The following GALNT1 variants were observed in gnomAD, a reference collection of about 807,000 sequenced individuals.
GALNT1 encodes the protein GalNAc transferase 1.
In GALNT1, 17 loss-of-function variants were observed where a neutral mutation model predicts 65.7. That is an observed-to-expected ratio of 0.26 (90% CI 0.18 to 0.39). GALNT1 has a LOEUF of 0.39. Ranked by LOEUF, GALNT1 falls within the 10% of genes least tolerant of loss-of-function variation. The pLI is 1.00. For synonymous variants in GALNT1, 210 were observed against 219.7 expected (o/e 0.96, Z 0.39); for missense variants, 460 against 672.8 (o/e 0.68, Z 3.50).
chr18:35,583,928 T>C (rs1365332097), intron 1 of GALNT1, among the ~76,000 whole-genome samples: 1 of 152,248 alleles, frequency 6.6e-6, no homozygotes, highest in Non-Finnish European at 1.5e-5. Flanking sequence ...TGAATCTGAA[T>C]CACACATTAG....
chr18:35,629,746 T>C (rs1047557210), intron 1 of GALNT1, among the ~76,000 whole-genome samples: 8 of 151,582 alleles, frequency 5.3e-5, no homozygotes, highest in African/African-American at 1.9e-4. Flanking sequence ...TGGGCTAAAT[T>C]AAAAGACACA....
chr18:35,704,488 TG>T (rs2048221185), intron 11 of GALNT1, among the ~76,000 whole-genome samples: 1 of 151,804 alleles, frequency 6.6e-6, no homozygotes, highest in Non-Finnish European at 1.5e-5. Flanking sequence ...TTTGTAATTT[TG>T]TGGAGACAGA....
chr18:35,692,172 T>C lies in GALNT1; in HGVS notation c.1160-9T>C. On this transcript the variant is annotated splice_polypyrimidine_tract_variant and intron_variant, in intron 8 of 11. Coordinates refer to ENST00000269195, the MANE Select transcript of GALNT1 (RefSeq NM_020474.4). The stretch of plus-strand genomic sequence containing the variant: ...CTAATAATTCAGAGTCAATTATTTC[T>C]TTCAACAGGTGTTACAAAGGTAGAT... The C allele has an allele frequency of 1.2e-6, 2 of 1,601,622 alleles. No individual in the cohort carries two copies. The highest frequency in any genetic ancestry group is 1.7e-6 in the Non-Finnish European group (2 of 1,174,016).
chr18:35,701,071 CTTTT>C (rs998960203), intron 9 of GALNT1, among the ~76,000 whole-genome samples: 2 of 146,544 alleles, frequency 1.4e-5, no homozygotes, highest in African/African-American at 5.0e-5. Context: ...ACAATATGAA[CTTTT>C]TTTTTTTTCT....
At chr18:35,690,976 A>G in intron 7 of GALNT1, 36 bp from the exon 8 acceptor site, 1 of 1,504,294 alleles carries the variant, frequency 6.6e-7, no homozygotes, top group Non-Finnish European at 8.9e-7. Context: ...CTGATTACTC[A>G]GCTACATGTT....
intron 1 of GALNT1, among the ~76,000 whole-genome samples, chr18:35,605,602 T>G (rs2046637247): frequency 6.6e-6 from 1 of 152,256 alleles, no homozygotes; most frequent in Admixed American, 6.5e-5. Flanking sequence ...TCTTCCTTTT[T>G]TTAACACTCT....
At chr18:35,694,663 G>A (rs544116271) in intron 9 of GALNT1, among the ~76,000 whole-genome samples, 8 of 152,336 alleles carry the variant, frequency 5.3e-5, no homozygotes, top group East Asian at 1.9e-4. Context: ...CAATAGCCAA[G>A]AAGTAGAAGC....
At chr18:35,602,188 A>G (rs2046590518) in intron 1 of GALNT1, among the ~76,000 whole-genome samples, 1 of 151,790 alleles carries the variant, frequency 6.6e-6, no homozygotes, top group East Asian at 1.9e-4. Flanking sequence ...ATGTTGTCAC[A>G]CTCCCTTTTG....
rs368652074 is a variant in GALNT1 at position 35,683,526 on chromosome 18, C to G, written c.617C>G (p.Thr206Ser). 6 of 1,613,758 alleles carry G rather than the reference C, an allele frequency of 3.7e-6. No individual in the cohort carries two copies. The highest frequency in any genetic ancestry group is 5.1e-6 in the Non-Finnish European group (6 of 1,179,876). Reference sequence around the variant, plus strand: ...GCTGTGTCTAAAGGCCAAGTGATCACCTTCCTGGATGCCCATTGTGAGTGT... The same window carrying G: ...GCTGTGTCTAAAGGCCAAGTGATCAGCTTCCTGGATGCCCATTGTGAGTGT... ...GAAVSKGQVI[T>S]FLDAHCECTV... Residue 206 changes from threonine (T) to serine (S), a missense_variant, in exon 5 of 12, where the codon ACC becomes AGC. Thr to Ser is a moderately conservative substitution (Grantham distance 58). Coordinates refer to ENST00000269195, the MANE Select transcript of GALNT1 (RefSeq NM_020474.4).
chr18:35,600,281 T>C (rs1428714143), intron 1 of GALNT1, among the ~76,000 whole-genome samples: 1 of 152,174 alleles, frequency 6.6e-6, no homozygotes, highest in Non-Finnish European at 1.5e-5. Flanking sequence ...TTTTTGTATT[T>C]AATAGCTATT....
intron 1 of GALNT1, among the ~76,000 whole-genome samples, chr18:35,631,347 G>A (rs2047006374): frequency 6.6e-6 from 1 of 152,016 alleles, no homozygotes; most frequent in South Asian, 2.1e-4. Flanking sequence ...ACATCAAAAA[G>A]CTTATCCACC....
chr18:35,671,539 T>C (rs867949059), intron 3 of GALNT1, among the ~76,000 whole-genome samples: 1 of 152,350 alleles, frequency 6.6e-6, no homozygotes. Context: ...TGAACTTCTT[T>C]TAGGTTGAAC....
intron 11 of GALNT1, among the ~76,000 whole-genome samples, chr18:35,708,884 G>A (rs1277679530): frequency 1.3e-5 from 2 of 152,120 alleles, no homozygotes; most frequent in Admixed American, 1.3e-4. Context: ...TATCTATGTA[G>A]TTTCCCAAAA....
chr18:35,673,935 C>CTACT (rs1328583256), intron 3 of GALNT1, among the ~76,000 whole-genome samples: 4 of 152,126 alleles, frequency 2.6e-5, no homozygotes, highest in African/African-American at 9.7e-5. Flanking sequence ...ATGGTACAGC[C>CTACT]TACTACACAC....
intron 1 of GALNT1, among the ~76,000 whole-genome samples, chr18:35,628,999 A>C (rs927709529): frequency 2.0e-5 from 3 of 152,252 alleles, no homozygotes; most frequent in African/African-American, 7.2e-5. Flanking sequence ...AAATGAAGTG[A>C]GAAGAGAAGT....
rs769448235 is a variant in GALNT1 at position 35,709,723 on chromosome 18, T to A, written c.1633T>A (p.Ser545Thr). ...PSIRDCNGSRSQQWLLRNVTL... is the reference protein window; with the variant it reads ...PSIRDCNGSRTQQWLLRNVTL... ...CATTAGAGACTGCAATGGAAGTCGG[T>A]CCCAGCAGTGGCTTCTTCGAAACGT... The change falls in exon 12 of 12, where the codon TCC (serine) becomes ACC (threonine). Residue 545 changes from serine to threonine, a missense_variant. By Grantham distance (58) the Ser-to-Thr change is moderately conservative (BLOSUM62 1). Coordinates refer to ENST00000269195, the MANE Select transcript of GALNT1 (RefSeq NM_020474.4). The A allele has an allele frequency of 1.2e-6, 2 of 1,613,940 alleles. No homozygotes were observed. The highest frequency in any genetic ancestry group is 1.7e-6 in the Non-Finnish European group (2 of 1,179,944).
At chr18:35,650,418 C>T (rs1651900562) in intron 1 of GALNT1, among the ~76,000 whole-genome samples, 1 of 152,106 alleles carries the variant, frequency 6.6e-6, no homozygotes, top group South Asian at 2.1e-4. Context: ...AAGTTTTGGG[C>T]ACACATTGTC....
intron 1 of GALNT1, among the ~76,000 whole-genome samples, chr18:35,582,201 C>A (rs2046330755): frequency 6.6e-6 from 1 of 152,126 alleles, no homozygotes; most frequent in African/African-American, 2.4e-5. Context: ...TACTTGCAAC[C>A]GCGGTGCCAG....
intron 3 of GALNT1, among the ~76,000 whole-genome samples, chr18:35,675,597 C>T (rs1178952962): frequency 6.6e-6 from 1 of 152,198 alleles, no homozygotes; most frequent in African/African-American, 2.4e-5. Context: ...GCTGTCTCCA[C>T]ATTTTTCTGT....
Sources: allele counts gnomAD v4.1 joint callset (sites outside exome capture counted in the v4.1 genomes callset), GRCh38; gene constraint gnomAD v4.1.1; transcripts MANE v1.5; gene names NCBI Gene and HGNC (gene_info 2026-07-23, HGNC 2026-07-21).